CD244: variants seen among roughly 807,000 people sequenced by gnomAD.
CD244 encodes natural killer cell receptor 2B4.
A neutral mutation model predicts 45.5 loss-of-function variants in CD244; 20 were observed. That is an observed-to-expected ratio of 0.44 (90% CI 0.31 to 0.64). CD244 has a LOEUF of 0.64. Among genes scored for constraint, CD244 ranks in the 30% least tolerant of loss-of-function variants. The pLI is 0.08. For synonymous variants in CD244, 185 were observed against 160.5 expected (o/e 1.15, Z -1.15); for missense variants, 407 against 426.9 (o/e 0.95, Z 0.41).
rs79671864 is a variant in CD244, at chr1:160,841,915, C to T, written c.62-14G>A. Reference sequence around the variant, plus strand: ...ATCCCTGGCATCCTAGGAAAGAGAACCCAAGCTGAAAGTAGCGGGAAGAGT... The same window carrying T: ...ATCCCTGGCATCCTAGGAAAGAGAATCCAAGCTGAAAGTAGCGGGAAGAGT... On this transcript the variant is annotated splice_polypyrimidine_tract_variant and intron_variant, in intron 1 of 8. Transcript: ENST00000368034. The T allele has an allele frequency of 1.9e-5, 30 of 1,611,540 alleles. No individual in the cohort carries two copies. The highest frequency in any genetic ancestry group is 2.5e-5 in the Non-Finnish European group (29 of 1,178,368).
intron 1 of CD244, among the ~76,000 whole-genome samples, chr1:160,852,809 G>A (rs1008768083): frequency 6.6e-6 from 1 of 151,944 alleles, no homozygotes; most frequent in East Asian, 1.9e-4. Flanking sequence ...GATCACCTGA[G>A]GTCAGGAGTT....
At chr1:160,834,609 C>T (rs778636745) in intron 6 of CD244, among the ~76,000 whole-genome samples, 3 of 152,208 alleles carry the variant, frequency 2.0e-5, no homozygotes, top group Non-Finnish European at 2.9e-5. Context: ...CCTCGGCCTC[C>T]CAAAGTGTTG....
chr1:160,838,350 C>T, intron 5 of CD244, 101 bp downstream of exon 5: 2 of 868,806 alleles, frequency 2.3e-6, no homozygotes, highest in Non-Finnish European at 4.0e-6. Context: ...ATCAAAAGGA[C>T]AGTCGTTCAG....
intron 6 of CD244, among the ~76,000 whole-genome samples, chr1:160,835,240 T>C (rs1669292167): frequency 6.6e-6 from 1 of 152,164 alleles, no homozygotes; most frequent in Non-Finnish European, 1.5e-5. Context: ...CTCCAGTTTA[T>C]GAGTGAATTT....
chr1:160,842,238 T>C (rs943886509), intron 1 of CD244, among the ~76,000 whole-genome samples: 1 of 152,068 alleles, frequency 6.6e-6, no homozygotes, highest in Non-Finnish European at 1.5e-5. Flanking sequence ...TTTGGTGTTA[T>C]GTTTTTGTTT....
intron 7 of CD244, chr1:160,832,844 A>T: frequency 2.3e-6 from 1 of 439,720 alleles, no homozygotes; most frequent in Non-Finnish European, 4.3e-6. Context: ...TACACCTAAA[A>T]CCCATACACA....
In CD244 at chr1:160,831,272, C is replaced by G. The variant is rs762054726; in HGVS notation, c.*75G>C. 6.8e-6 allele frequency: 7 copies of G among 1,035,374 alleles called. No individual in the cohort carries two copies. Among genetic ancestry groups the G allele is most frequent in the South Asian group, 3.8e-5 (3 of 78,202 alleles). The allele number at this position is 1,035,374 out of a possible 1,614,324, so 64.1% of individuals were successfully genotyped here. ...GACTAGGAACTGTTCTATAGAGACTCCTGTGCCGTCATCCACTGTGCCAAT... is the reference window on the plus strand; with the variant it reads ...GACTAGGAACTGTTCTATAGAGACTGCTGTGCCGTCATCCACTGTGCCAAT... On this transcript the variant is annotated 3_prime_UTR_variant, in exon 9 of 9. Transcript: ENST00000368034.
At chr1:160,845,626 TGGATGGATCACCTGAC>T (rs1324860320) in intron 1 of CD244, among the ~76,000 whole-genome samples, 4 of 151,820 alleles carry the variant, frequency 2.6e-5, no homozygotes, top group Admixed American at 6.6e-5. Flanking sequence ...GAGGCCCAGG[TGGATGGATCACCTGAC>T]GTCAGGAGTT....
At chr1:160,847,815 G>T (rs984455984) in intron 1 of CD244, among the ~76,000 whole-genome samples, 4 of 152,134 alleles carry the variant, frequency 2.6e-5, no homozygotes, top group Non-Finnish European at 5.9e-5. Flanking sequence ...AAATAATGAT[G>T]ATGATGATGA....
chr1:160,839,849 C>T (rs890392426), intron 3 of CD244, among the ~76,000 whole-genome samples: 1 of 152,154 alleles, frequency 6.6e-6, no homozygotes. Flanking sequence ...GCAAGTTTTC[C>T]GTCTCACTTT....
Position 160,838,446 on chromosome 1 carries a change from C to CATA in CD244, c.834+2_834+4dup, listed in dbSNP as rs1224554380. 1 of 1,608,212 alleles carries CATA rather than the reference C, an allele frequency of 6.2e-7. No individual in the cohort carries two copies. Among genetic ancestry groups the CATA allele is most frequent in the Non-Finnish European group, 8.5e-7 (1 of 1,174,626 alleles). On this transcript the variant is annotated splice_donor_region_variant and intron_variant, in intron 5 of 8. Transcript: ENST00000368034. ...AGAGAGACCCCAGCCTCCGGGATGA[C>CATA]ATACGTGATTTCTCCTGGTTTTCAG...
rs556508199 is a variant in CD244, at chr1:160,838,599, C to T, written c.767-81G>A. On this transcript the variant is annotated intron_variant, in intron 4 of 8. Coordinates refer to ENST00000368034, the MANE Select transcript of CD244 (RefSeq NM_016382.4). ...GCTTCTAACAGGTCCCACCTCTACCCCAAATGGCCAAACCTTAAAAAAGGT... is the reference window on the plus strand; with the variant it reads ...GCTTCTAACAGGTCCCACCTCTACCTCAAATGGCCAAACCTTAAAAAAGGT... 5 of 946,444 alleles carry T rather than the reference C, an allele frequency of 5.3e-6. No individual in the cohort carries two copies. In the Admixed American group the frequency reaches 7.0e-5, roughly 13 times the overall value. 58.6% of individuals were successfully genotyped at this position (946,444 alleles called of 1,614,324 possible).
intron 6 of CD244, among the ~76,000 whole-genome samples, chr1:160,834,982 T>C (rs1326550872): frequency 6.6e-6 from 1 of 152,230 alleles, no homozygotes; most frequent in Admixed American, 6.5e-5. Context: ...ATTCCTCTCA[T>C]TGGAGTTCAA....
intron 7 of CD244, among the ~76,000 whole-genome samples, chr1:160,833,551 G>A (rs1669215038): frequency 6.6e-6 from 1 of 152,204 alleles, no homozygotes; most frequent in Non-Finnish European, 1.5e-5. Flanking sequence ...AGTGCAAAAG[G>A]ATGGGTTGCC....
rs543524547 is a variant in CD244 at position 160,845,863 on chromosome 1, A to C, written c.62-3962T>G. 7.2e-5 allele frequency among the ~76,000 whole-genome samples: 11 copies of C among 152,078 alleles called. No individual in the cohort carries two copies. In the South Asian group the frequency reaches 2.3e-3, roughly 32 times the overall value. ...AAGAGTGAAACTCTGTCTCAAAAAA[A>C]AAAAAAGAAAAAAAACAAACCAATG... On this transcript the variant is annotated intron_variant, in intron 1 of 8. Coordinates refer to ENST00000368034, the MANE Select transcript of CD244 (RefSeq NM_016382.4).
intron 3 of CD244, among the ~76,000 whole-genome samples, chr1:160,840,784 G>C (rs942884100): frequency 6.6e-6 from 1 of 152,094 alleles, no homozygotes; most frequent in East Asian, 1.9e-4. Context: ...GTATCCCTGG[G>C]GTCATCCTGA....
intron 4 of CD244, 73 bp downstream of exon 4, chr1:160,838,866 C>T (rs913445868): frequency 3.1e-6 from 3 of 971,080 alleles, no homozygotes; most frequent in Non-Finnish European, 3.2e-6. Flanking sequence ...AGACACATCC[C>T]ACTGGACGCA....
At chr1:160,842,271 A>G (rs1669571778) in intron 1 of CD244, among the ~76,000 whole-genome samples, 1 of 152,056 alleles carries the variant, frequency 6.6e-6, no homozygotes, top group South Asian at 2.1e-4. Context: ...TTTTCTAGAG[A>G]CAGGGTCTCA....
chr1:160,850,945 A>G lies in CD244; in HGVS notation c.62-9044T>C, dbSNP rs376486896. On this transcript the variant is annotated intron_variant, in intron 1 of 8. Coordinates refer to ENST00000368034, the MANE Select transcript of CD244 (RefSeq NM_016382.4). ...GTTATTCCCTCCTTGGGTTCAATTA[A>G]TTTGCTAGATGGCTCACAGAACTCA... Among the ~76,000 whole-genome samples, 9 of 152,300 alleles carry G rather than the reference A, an allele frequency of 5.9e-5. No individual in the cohort carries two copies. The South Asian group carries it at 1.9e-3, about 32-fold the overall frequency.
Sources: allele counts gnomAD v4.1 joint callset (sites outside exome capture counted in the v4.1 genomes callset), GRCh38; gene constraint gnomAD v4.1.1; transcripts MANE v1.5; gene names NCBI Gene and HGNC (gene_info 2026-07-23, HGNC 2026-07-21).